The following CNTNAP5 variants were observed in gnomAD, a reference collection of about 807,000 sequenced individuals.
CNTNAP5 encodes contactin-associated protein-like 5.
In CNTNAP5, 72 loss-of-function variants were observed where a neutral mutation model predicts 150.2. The observed-to-expected ratio is 0.48, with a 90% confidence interval of 0.40 to 0.58. The LOEUF (loss-of-function observed/expected upper bound fraction) is 0.58. Ranked by LOEUF, CNTNAP5 falls within the 20% of genes least tolerant of loss-of-function variation. The pLI is 0.00. For synonymous variants in CNTNAP5, 672 were observed against 619.8 expected (o/e 1.08, Z -1.25); for missense variants, 1,636 against 1,626.2 (o/e 1.01, Z -0.10).
At position 124,053,776 on chromosome 2, in the gene CNTNAP5, G is replaced by A. The variant is rs373462065; in HGVS notation, c.82+28044G>A. Among the ~76,000 whole-genome samples, 17 of 152,174 alleles carry A rather than the reference G, an allele frequency of 1.1e-4. No homozygotes were observed. The South Asian group carries it at 3.5e-3, about 32-fold the overall frequency. On this transcript the variant is annotated intron_variant, in intron 1 of 23. Transcript: ENST00000682447. Reference sequence around the variant, plus strand: ...GCTATGCAATTTCTCACATCCTAATGTTGCATTACTAGGAGATTTGGGGCA... The same window carrying A: ...GCTATGCAATTTCTCACATCCTAATATTGCATTACTAGGAGATTTGGGGCA...
At chr2:124,651,919 C>T (rs1265856441) in intron 13 of CNTNAP5, among the ~76,000 whole-genome samples, 1 of 152,168 alleles carries the variant, frequency 6.6e-6, no homozygotes, top group South Asian at 2.1e-4. Context: ...TCCCCAGAGC[C>T]TCCTTCTGCC....
chr2:124,707,462 T>C (rs1171383549), intron 13 of CNTNAP5, among the ~76,000 whole-genome samples: 2 of 152,196 alleles, frequency 1.3e-5, no homozygotes, highest in Non-Finnish European at 2.9e-5. Context: ...ATCACATTAT[T>C]TCATTATCTA....
At chr2:124,414,722 C>CGTGTGTGT (rs58485169) in intron 3 of CNTNAP5, among the ~76,000 whole-genome samples, 1 of 149,642 alleles carries the variant, frequency 6.7e-6, no homozygotes, top group Non-Finnish European at 1.5e-5. Flanking sequence ...TGTGTGTGTG[C>CGTGTGTGT]GTGTGTGTGT....
intron 13 of CNTNAP5, among the ~76,000 whole-genome samples, chr2:124,668,685 G>A (rs901531115): frequency 6.6e-6 from 1 of 152,140 alleles, no homozygotes; most frequent in Non-Finnish European, 1.5e-5. Context: ...TTATAAAAAG[G>A]TATACCATTA....
chr2:124,044,381 C>T (rs898379369), intron 1 of CNTNAP5, among the ~76,000 whole-genome samples: 9 of 152,252 alleles, frequency 5.9e-5, no homozygotes, highest in East Asian at 1.9e-4. Context: ...GTGTCCTTTA[C>T]GCTGGAGAAA....
intron 1 of CNTNAP5, among the ~76,000 whole-genome samples, chr2:124,103,826 G>A (rs13430220): frequency 0.14 from 20,072 of 146,930 alleles, 1,452 homozygotes; most frequent in Middle Eastern, 0.24. Context: ...CATTATATAT[G>A]TTATTAAAAT....
intron 10 of CNTNAP5, among the ~76,000 whole-genome samples, chr2:124,538,546 A>G (rs900347682): frequency 6.6e-6 from 1 of 151,240 alleles, no homozygotes; most frequent in Non-Finnish European, 1.5e-5. Context: ...GAAAGAAAGA[A>G]AGAGAGAAAG....
chr2:124,507,144 T>A (rs1503998), intron 8 of CNTNAP5, among the ~76,000 whole-genome samples: 3 of 152,210 alleles, frequency 2.0e-5, no homozygotes, highest in South Asian at 2.1e-4. Flanking sequence ...TAGAAAGAAC[T>A]GGCGTTTAGA....
chr2:124,271,659 ATCTATCTATCT>A (rs1167221626), intron 3 of CNTNAP5, among the ~76,000 whole-genome samples: 36 of 79,762 alleles, frequency 4.5e-4, no homozygotes, highest in African/African-American at 1.7e-3. Context: ...TTTTTTTTTA[ATCTATCTATCT>A]ATCTATCTAT....
chr2:124,400,680 T>TTTTG (rs1553464882), intron 3 of CNTNAP5, among the ~76,000 whole-genome samples: 1 of 106,262 alleles, frequency 9.4e-6, no homozygotes, highest in African/African-American at 2.8e-5. Flanking sequence ...TTTTTTTTTT[T>TTTTG]TTTTTTTTGT....
chr2:124,563,275 T>C lies in CNTNAP5; in HGVS notation c.1708T>C (p.Tyr570His). The C allele has an allele frequency of 6.3e-7, 1 of 1,586,632 alleles. No individual in the cohort carries two copies. ...GSCSQSWTTF[Y>H]CNCSDTSYTG... is the part of the protein sequence containing the mutation. Reference sequence around the variant, plus strand: ...CTGCTCCCAGTCCTGGACTACCTTCTATTGTAACTGCAGTGACACAAGTTA... The same window carrying C: ...CTGCTCCCAGTCCTGGACTACCTTCCATTGTAACTGCAGTGACACAAGTTA... The change falls in exon 11 of 24, where the codon TAT (tyrosine) becomes CAT (histidine). Residue 570 changes from tyrosine to histidine, a missense_variant. Transcript: ENST00000682447.
At chr2:124,572,218 A>T (rs911762555) in intron 11 of CNTNAP5, among the ~76,000 whole-genome samples, 1 of 151,942 alleles carries the variant, frequency 6.6e-6, no homozygotes, top group African/African-American at 2.4e-5. Context: ...GTAAGGGGGA[A>T]TGCTTCTTCT....
chr2:124,506,368 G>A (rs2104865695), intron 8 of CNTNAP5, among the ~76,000 whole-genome samples: 1 of 152,282 alleles, frequency 6.6e-6, no homozygotes, highest in Non-Finnish European at 1.5e-5. Context: ...ATTGCCTGGA[G>A]CATGGGTGCC....
At chr2:124,841,297 C>G (rs567163140) in intron 19 of CNTNAP5, among the ~76,000 whole-genome samples, 1 of 152,100 alleles carries the variant, frequency 6.6e-6, no homozygotes, top group Admixed American at 6.6e-5. Context: ...TTTCACCTCT[C>G]AAATTGCTCA....
At chr2:124,385,773 A>G (rs767956590) in intron 3 of CNTNAP5, among the ~76,000 whole-genome samples, 11 of 152,230 alleles carry the variant, frequency 7.2e-5, no homozygotes, top group Non-Finnish European at 1.5e-4. Context: ...CTTAGAGGCA[A>G]GAAAACTGTC....
intron 3 of CNTNAP5, among the ~76,000 whole-genome samples, chr2:124,344,366 A>C (rs1017239042): frequency 2.0e-5 from 3 of 152,270 alleles, no homozygotes; most frequent in South Asian, 2.1e-4. Flanking sequence ...AATTTAAAAA[A>C]AAAAAGTTAT....
At chr2:124,234,739 C>G (rs1573856217) in intron 2 of CNTNAP5, among the ~76,000 whole-genome samples, 1 of 152,172 alleles carries the variant, frequency 6.6e-6, no homozygotes, top group Non-Finnish European at 1.5e-5. Context: ...ACCTCCTTTC[C>G]TGCTCCATCA....
intron 20 of CNTNAP5, 110 bp from the exon 21 acceptor site, chr2:124,869,565 G>A (rs1677701537): frequency 3.0e-6 from 2 of 663,232 alleles, no homozygotes; most frequent in South Asian, 1.8e-5. Context: ...ATCTCAGAGG[G>A]GGGTCTGCTA....
chr2:124,148,523 TAC>T (rs1684314617), intron 1 of CNTNAP5, among the ~76,000 whole-genome samples: 1 of 146,554 alleles, frequency 6.8e-6, no homozygotes, highest in African/African-American at 2.5e-5. Context: ...ATATAATATA[TAC>T]ATATTATATA....
Sources: gnomAD v4.1 joint callset for allele counts (sites outside exome capture counted in the v4.1 genomes callset) on GRCh38, gnomAD v4.1.1 for gene constraint, MANE v1.5 for transcripts, NCBI Gene and HGNC (gene_info 2026-07-23, HGNC 2026-07-21) for gene names.